POP1: variants seen among roughly 807,000 people sequenced by gnomAD.
POP1 encodes the protein ribonucleases P/MRP protein subunit POP1.
A neutral mutation model predicts 102.2 loss-of-function variants in POP1; 75 were observed. The observed-to-expected ratio is 0.73, with a 90% CI of 0.61 to 0.89. POP1 has a LOEUF of 0.89. Among genes scored for constraint, POP1 ranks in the 40% least tolerant of loss-of-function variants. The pLI is 0.00. For missense variants in POP1, 1,116 were observed against 1,267.4 expected, an observed-to-expected ratio of 0.88 and a Z score of 1.81; for synonymous variants, 436 against 464.1, an observed-to-expected ratio of 0.94 and a Z score of 0.78.
chr8:98,130,045 A>G lies in POP1; in HGVS notation c.554A>G (p.His185Arg). Reference sequence around the variant, plus strand: ...AAATGCCATAAAGCTCGAAGATGTCACATGAACCGGACGCTAGAATTTAAC... The same window carrying G: ...AAATGCCATAAAGCTCGAAGATGTCGCATGAACCGGACGCTAGAATTTAAC... ...KNKCHKARRC[H>R]MNRTLEFNRR... Residue 185 changes from histidine to arginine, a missense_variant, in exon 5 of 16, where the codon CAC becomes CGC. Transcript: ENST00000401707. The G allele has an allele frequency of 1.2e-6, 2 of 1,614,148 alleles. No individual in the cohort carries two copies. The highest frequency in any genetic ancestry group is 2.2e-5 in the South Asian group (2 of 91,092).
chr8:98,152,515 G>T (rs908757517), intron 14 of POP1, among the ~76,000 whole-genome samples: 11 of 152,214 alleles, frequency 7.2e-5, no homozygotes, highest in Admixed American at 7.2e-4. Context: ...AAGAGAACGA[G>T]CACGGCTGTG....
intron 7 of POP1, among the ~76,000 whole-genome samples, chr8:98,135,242 C>T (rs1586236534): frequency 6.6e-6 from 1 of 151,782 alleles, no homozygotes; most frequent in Non-Finnish European, 1.5e-5. Context: ...CGTGCTATTG[C>T]ACTCCAGCCT....
intron 11 of POP1, among the ~76,000 whole-genome samples, chr8:98,144,672 G>A (rs942777509): frequency 1.3e-5 from 2 of 152,120 alleles, no homozygotes; most frequent in Non-Finnish European, 2.9e-5. Flanking sequence ...CTGCAGCTTA[G>A]TCTGACTAAA....
intron 7 of POP1, among the ~76,000 whole-genome samples, chr8:98,135,985 G>A (rs112491901): frequency 0.073 from 11,058 of 152,022 alleles, 620 homozygotes; most frequent in Middle Eastern, 0.16. Flanking sequence ...GATTACAGAC[G>A]TGAGCCACCA....
At chr8:98,134,228 G>A (rs1056594859) in intron 6 of POP1, among the ~76,000 whole-genome samples, 192 bp downstream of exon 6, 1 of 152,320 alleles carries the variant, frequency 6.6e-6, no homozygotes, top group East Asian at 1.9e-4. Flanking sequence ...ATTGTCAAGT[G>A]TAAAGTGATA....
rs552408657 is a variant in POP1, at chr8:98,131,064, A to G, written c.735+838A>G. 2.0e-5 allele frequency among the ~76,000 whole-genome samples: 3 copies of G among 152,356 alleles called. No individual in the cohort carries two copies. In the East Asian group the frequency reaches 5.8e-4, roughly 29 times the overall value. The stretch of plus-strand genomic sequence containing the variant: ...TTGGTGTCCTTTGATACCCCTTGAG[A>G]GTAATGTGGTAGAATAAGCAATACA... On this transcript the variant is annotated intron_variant, in intron 5 of 15. Transcript: ENST00000401707.
chr8:98,131,177 T>G (rs1816369887), intron 5 of POP1, among the ~76,000 whole-genome samples: 1 of 152,250 alleles, frequency 6.6e-6, no homozygotes, highest in African/African-American at 2.4e-5. Flanking sequence ...TTAAGTACGT[T>G]TACGTTGTGT....
At position 98,159,772 on chromosome 8, in the gene POP1, G is replaced by GAAAAA. The variant is rs35267229; in HGVS notation, c.*1509_*1513dup. ...CTTTGGATCCAACCCAGATGAGACT[G>GAAAAA]AAAAAAAAAAAACAGTGTAACTAAG... On this transcript the variant is annotated 3_prime_UTR_variant, in exon 16 of 16. Coordinates refer to ENST00000401707, the MANE Select transcript of POP1 (RefSeq NM_001145860.2). 2.1e-5 allele frequency: 3 copies of GAAAAA among 140,356 alleles called. No individual in the cohort carries two copies. Among genetic ancestry groups the GAAAAA allele is most frequent in the African/African-American group, 7.9e-5 (3 of 38,094 alleles). 8.7% of individuals were successfully genotyped at this position (140,356 alleles called of 1,614,324 possible). A position where few individuals can be genotyped will look rare whatever the true frequency, so the allele number is the denominator to read the frequency against.
At chr8:98,155,873 C>A in intron 14 of POP1, 177 bp from the exon 15 acceptor site, 1 of 716,882 alleles carries the variant, frequency 1.4e-6, no homozygotes, top group Non-Finnish European at 2.3e-6. Flanking sequence ...CTGAGCCCAG[C>A]CTATTATTCT....
chr8:98,129,868 A>G (rs1816325141), intron 4 of POP1, 110 bp from the exon 5 acceptor site: 1 of 1,244,580 alleles, frequency 8.0e-7, no homozygotes, highest in Non-Finnish European at 1.2e-6. Context: ...AACTAATGGG[A>G]TCTATAAAAT....
intron 6 of POP1, 140 bp downstream of exon 6, chr8:98,134,176 T>A: frequency 1.3e-6 from 1 of 753,902 alleles, no homozygotes; most frequent in Non-Finnish European, 2.3e-6. Context: ...ATGAAAATGT[T>A]AACTTAAAAA....
At chr8:98,137,425 C>A (rs985635705) in intron 9 of POP1, among the ~76,000 whole-genome samples, 1 of 152,088 alleles carries the variant, frequency 6.6e-6, no homozygotes, top group East Asian at 1.9e-4. Context: ...GCCTCAGCCC[C>A]CCGAGTAGCT....
chr8:98,128,420 G>A lies in POP1; in HGVS notation c.366G>A (p.Val122=). The change falls in exon 4 of 16, where the codon GTG becomes GTA. Residue 122 remains valine (V), a synonymous_variant. Transcript: ENST00000401707. ...AAEISAMLKA[V]TQKSSNSLVF... ...AAATCAGTGCTATGTTAAAAGCTGTGACCCAGAAGTCTTCGAATTCACTGG... is the reference window on the plus strand; with the variant it reads ...AAATCAGTGCTATGTTAAAAGCTGTAACCCAGAAGTCTTCGAATTCACTGG... The A allele has an allele frequency of 6.2e-7, 1 of 1,614,072 alleles. No individual in the cohort carries two copies. Among genetic ancestry groups the A allele is most frequent in the East Asian group, 2.2e-5 (1 of 44,878 alleles).
chr8:98,146,018 G>C (rs1255449244), intron 11 of POP1, among the ~76,000 whole-genome samples: 1 of 152,190 alleles, frequency 6.6e-6, no homozygotes, highest in Non-Finnish European at 1.5e-5. Flanking sequence ...GATGATATCT[G>C]TTGGCTCACC....
chr8:98,153,993 A>G lies in POP1; in HGVS notation c.2058-2057A>G, dbSNP rs1164200660. 2.0e-5 allele frequency among the ~76,000 whole-genome samples: 3 copies of G among 152,184 alleles called. No individual in the cohort carries two copies. The East Asian group carries it at 5.8e-4, about 29-fold the overall frequency. On this transcript the variant is annotated intron_variant, in intron 14 of 15. Coordinates refer to ENST00000401707, the MANE Select transcript of POP1 (RefSeq NM_001145860.2). The stretch of plus-strand genomic sequence containing the variant: ...GGTTAGATTCTGCAGTGGGGGGATT[A>G]AGTAGCACACTCCTGATTGTGACTG...
chr8:98,136,709 G>A lies in POP1; in HGVS notation c.1239G>A (p.Trp413Ter), dbSNP rs1221568803. The change falls in exon 8 of 16, where the codon TGG (tryptophan) becomes TGA (stop). Residue 413 changes from tryptophan to a stop codon, truncating the protein, a stop_gained. Coordinates refer to ENST00000401707, the MANE Select transcript of POP1 (RefSeq NM_001145860.2). LOFTEE classifies it high-confidence loss of function. ...GAGATCCATGTCTACCATACTCTTGGATCTCTCCAACCACAGGCATTATAA... is the reference window on the plus strand; with the variant it reads ...GAGATCCATGTCTACCATACTCTTGAATCTCTCCAACCACAGGCATTATAA... ...GTRDPCLPYS[W>*]ISPTTGIIIS... 1.2e-6 allele frequency: 2 copies of A among 1,613,912 alleles called. No homozygotes were observed. The highest frequency in any genetic ancestry group is 4.5e-5 in the East Asian group (2 of 44,886).
intron 15 of POP1, 36 bp downstream of exon 15, chr8:98,156,448 A>T: frequency 2.5e-6 from 4 of 1,611,624 alleles, no homozygotes; most frequent in Non-Finnish European, 3.4e-6. Context: ...ATTTTGGATT[A>T]TTTATTTTAA....
chr8:98,123,287 T>G, intron 1 of POP1, 49 bp from the exon 2 acceptor site: 1 of 1,591,590 alleles, frequency 6.3e-7, no homozygotes, highest in Non-Finnish European at 8.6e-7. Flanking sequence ...TTTTTATTTT[T>G]GAGTGGAAGT....
In POP1 at chr8:98,130,221, C is replaced by T. The variant is rs1322976966; in HGVS notation, c.730C>T (p.Leu244=). 12 of 1,614,036 alleles carry T rather than the reference C, an allele frequency of 7.4e-6. No individual in the cohort carries two copies. The Admixed American group carries it at 1.5e-4, about 20-fold the overall frequency. The change falls in exon 5 of 16, where the codon CTG becomes TTG. Residue 244 remains leucine (L), a synonymous_variant. Coordinates refer to ENST00000401707, the MANE Select transcript of POP1 (RefSeq NM_001145860.2). ...TCGAGCCATGACGAACCGGTGCCTC[C>T]TGCAGGTGAGCTTTTCCAGTGGGCT... ...CYRAMTNRCL[L]QDLSYYCCLE... is the part of the protein sequence containing the mutation.
Sources: allele counts gnomAD v4.1 joint callset (sites outside exome capture counted in the v4.1 genomes callset), GRCh38; gene constraint gnomAD v4.1.1; transcripts MANE v1.5; gene names NCBI Gene and HGNC (gene_info 2026-07-23, HGNC 2026-07-21).